The following PLCG1 variants were observed in gnomAD, a reference collection of about 807,000 sequenced individuals.
The protein encoded by PLCG1 is 1-phosphatidylinositol 4,5-bisphosphate phosphodiesterase gamma-1.
PLCG1 carries 71 observed loss-of-function variants against 177.8 expected under a neutral mutation model. The observed-to-expected ratio is 0.40, with a 90% CI of 0.33 to 0.49. PLCG1 has a LOEUF of 0.49. Ranked by LOEUF, PLCG1 falls within the 20% of genes least tolerant of loss-of-function variation. The probability of loss-of-function intolerance (pLI) is 0.72; values close to 1 mark genes in which losing one functional copy is unlikely to be tolerated. For missense variants in PLCG1, 1,281 were observed against 1,709.0 expected (o/e 0.75, Z 4.42); for synonymous variants, 658 against 647.9 (o/e 1.02, Z -0.24).
At chr20:41,145,190 A>G (rs548427807) in intron 1 of PLCG1, among the ~76,000 whole-genome samples, 2 of 152,254 alleles carry the variant, frequency 1.3e-5, no homozygotes, top group East Asian at 1.9e-4. Context: ...CCTGTTTGCT[A>G]TGTGTGCTAA....
intron 1 of PLCG1, among the ~76,000 whole-genome samples, chr20:41,145,190 A>C (rs548427807): frequency 1.3e-5 from 2 of 152,136 alleles, no homozygotes; most frequent in African/African-American, 2.4e-5. Context: ...CCTGTTTGCT[A>C]TGTGTGCTAA....
At position 41,159,760 on chromosome 20, in the gene PLCG1, T is replaced by TG. The variant is rs1317032542; in HGVS notation, c.370+5dup. On this transcript the variant is annotated splice_region_variant and intron_variant, in intron 2 of 31. Transcript: ENST00000685551. The surrounding 1 kb of genome is among the most constrained non-coding windows in gnomAD (Gnocchi z 6.0). ...GCCTGAAAACGCTGAGCCTGCAAGG[T>TG]GGGAGTTAAGGGGGTAGAGGAGGTA... 6.2e-7 allele frequency: 1 copy of TG among 1,613,956 alleles called. No homozygotes were observed. The highest frequency in any genetic ancestry group is 1.1e-5 in the South Asian group (1 of 91,062).
chr20:41,165,650 C>T lies in PLCG1; in HGVS notation c.1623C>T (p.Ser541=). 6.2e-7 allele frequency: 1 copy of T among 1,613,590 alleles called. No individual in the cohort carries two copies. The highest frequency in any genetic ancestry group is 8.5e-7 in the Non-Finnish European group (1 of 1,179,646). ...DEEEPKEVSS[S]TELHSNEKWF... The stretch of plus-strand genomic sequence containing the variant: ...CCTTCCCCTGACAGGTCAGCAGCAG[C>T]ACAGAGCTGCACTCCAATGAGAAGT... Residue 541 remains serine (S), a synonymous_variant, in exon 16 of 32, where the codon AGC becomes AGT. Transcript: ENST00000685551. This position sits in a 1 kb window ranked among gnomAD's most constrained non-coding sequence, Gnocchi z 6.6.
Position 41,163,689 on chromosome 20 carries a change from C to A in PLCG1, c.892-26C>A. ...TGGACAGGGCAGGGACTCACTGTCTCTTCCCTTCCACATGTTTCTGGACAG... is the reference window on the plus strand; with the variant it reads ...TGGACAGGGCAGGGACTCACTGTCTATTCCCTTCCACATGTTTCTGGACAG... On this transcript the variant is annotated intron_variant, in intron 9 of 31. Coordinates refer to ENST00000685551, the MANE Select transcript of PLCG1 (RefSeq NM_002660.3). The surrounding 1 kb of genome is among the most constrained non-coding windows in gnomAD (Gnocchi z 5.2). The A allele has an allele frequency of 6.8e-7, 1 of 1,477,884 alleles. No homozygotes were observed. Among genetic ancestry groups the A allele is most frequent in the South Asian group, 1.1e-5 (1 of 88,320 alleles). The allele number at this position is 1,477,884 out of a possible 1,614,324, so 91.5% of individuals were successfully genotyped here. A position where few individuals can be genotyped will look rare whatever the true frequency, so the allele number is the denominator to read the frequency against.
At chr20:41,158,920 C>G (rs2035405854) in intron 1 of PLCG1, among the ~76,000 whole-genome samples, 1 of 152,248 alleles carries the variant, frequency 6.6e-6, no homozygotes, top group South Asian at 2.1e-4. Context: ...ATCTGCTATT[C>G]AAGCCCGTGT....
chr20:41,149,316 G>A (rs1568730718), intron 1 of PLCG1, among the ~76,000 whole-genome samples: 1 of 152,124 alleles, frequency 6.6e-6, no homozygotes, highest in Admixed American at 6.5e-5. Flanking sequence ...TCTCATGTAG[G>A]TGCTCAGAAC....
chr20:41,138,954 C>T (rs1053641825), intron 1 of PLCG1, among the ~76,000 whole-genome samples: 4 of 152,134 alleles, frequency 2.6e-5, no homozygotes, highest in Non-Finnish European at 5.9e-5. Context: ...TGGGTTGCTT[C>T]TTGCAGGGAC....
rs1320453758 is a variant in PLCG1 at position 41,175,175 on chromosome 20, C to G, written c.*666C>G. 3 of 152,792 alleles carry G rather than the reference C, an allele frequency of 2.0e-5. No homozygotes were observed. Among genetic ancestry groups the G allele is most frequent in the African/African-American group, 7.2e-5 (3 of 41,554 alleles). 9.5% of individuals were successfully genotyped at this position (152,792 alleles called of 1,614,324 possible). On this transcript the variant is annotated 3_prime_UTR_variant, in exon 32 of 32. Transcript: ENST00000685551. ...ATTTTTCGTCTCAATGGTATTGTAA[C>G]TAAGTTATTTACTCCTCCTGCTCCT...
chr20:41,168,941 T>A lies in PLCG1; in HGVS notation c.2483+71T>A, dbSNP rs571462934. ...AGCTGGGGCCCCAAAGACATGCATTTGTGATGTGCTTGTCTCCTGTGTGCA... is the reference window on the plus strand; with the variant it reads ...AGCTGGGGCCCCAAAGACATGCATTAGTGATGTGCTTGTCTCCTGTGTGCA... On this transcript the variant is annotated intron_variant, in intron 21 of 31. Transcript: ENST00000685551. 2.5e-5 allele frequency: 30 copies of A among 1,176,546 alleles called. No individual in the cohort carries two copies. In the Admixed American group the frequency reaches 5.3e-4, roughly 21 times the overall value. The allele number at this position is 1,176,546 out of a possible 1,614,324, so 72.9% of individuals were successfully genotyped here.
intron 1 of PLCG1, among the ~76,000 whole-genome samples, chr20:41,143,988 A>G (rs762224893): frequency 3.3e-5 from 5 of 152,250 alleles, no homozygotes; most frequent in Middle Eastern, 3.4e-3. Flanking sequence ...TGCTCCAACA[A>G]CCTGGGCTAG....
Position 41,157,932 on chromosome 20 carries a change from G to A in PLCG1, c.218-1674G>A, listed in dbSNP as rs548111784. 4.4e-4 allele frequency among the ~76,000 whole-genome samples: 67 copies of A among 152,298 alleles called. No individual in the cohort carries two copies. Among genetic ancestry groups the A allele is most frequent in the African/African-American group, 1.5e-3 (61 of 41,556 alleles). On this transcript the variant is annotated intron_variant, in intron 1 of 31. Coordinates refer to ENST00000685551, the MANE Select transcript of PLCG1 (RefSeq NM_002660.3). This position sits in a 1 kb window ranked among gnomAD's most constrained non-coding sequence, Gnocchi z 5.4. The stretch of plus-strand genomic sequence containing the variant: ...CGGGAGGGGCTTGAATGAGGTCTAG[G>A]GGGGTCAGAATAATGTTTTATGAAG...
chr20:41,174,287 A>C lies in PLCG1; in HGVS notation c.3809A>C (p.Asp1270Ala). The C allele has an allele frequency of 6.2e-7, 1 of 1,614,078 alleles. No individual in the cohort carries two copies. The highest frequency in any genetic ancestry group is 8.5e-7 in the Non-Finnish European group (1 of 1,179,940). Residue 1270 changes from aspartate (D) to alanine (A), a missense_variant, in exon 31 of 32, where the codon GAC becomes GCC. By Grantham distance (126) the Asp-to-Ala change is moderately radical. Coordinates refer to ENST00000685551, the MANE Select transcript of PLCG1 (RefSeq NM_002660.3). The surrounding 1 kb of genome is among the most constrained non-coding windows in gnomAD (Gnocchi z 5.8). ...DFRISQEHLADHFDSRERRAP... is the reference protein window; with the variant it reads ...DFRISQEHLAAHFDSRERRAP... ...CGCATCTCCCAGGAGCATCTCGCAG[A>C]CCATTTTGACAGTCGAGAACGAAGG...
Position 41,153,667 on chromosome 20 carries a change from C to G in PLCG1, c.218-5939C>G, listed in dbSNP as rs1291243406. 6.6e-6 allele frequency among the ~76,000 whole-genome samples: 1 copy of G among 152,162 alleles called. No homozygotes were observed. Among genetic ancestry groups the G allele is most frequent in the Non-Finnish European group, 1.5e-5 (1 of 68,036 alleles). ...ATCCCAGCACTTTGGGAGGCCGAGG[C>G]AGGCGAATCACTGGAGGTCAGGAGT... On this transcript the variant is annotated intron_variant, in intron 1 of 31. Coordinates refer to ENST00000685551, the MANE Select transcript of PLCG1 (RefSeq NM_002660.3). The surrounding 1 kb of genome is among the most constrained non-coding windows in gnomAD (Gnocchi z 5.1).
In PLCG1 at chr20:41,174,188, C is replaced by T; in HGVS notation, c.3710C>T (p.Ser1237Leu). The T allele has an allele frequency of 6.2e-7, 1 of 1,614,172 alleles. No individual in the cohort carries two copies. Among genetic ancestry groups the T allele is most frequent in the Non-Finnish European group, 8.5e-7 (1 of 1,180,010 alleles). Residue 1237 changes from serine (S) to leucine (L), a missense_variant, in exon 31 of 32, where the codon TCA becomes TTA. Physicochemically the swap from Ser to Leu is moderately radical, Grantham distance 145 (BLOSUM62 -2). This residue lies in a region of PLCG1 where 153 missense variants were observed against 153.2 expected (regional missense o/e 1.00). Coordinates refer to ENST00000685551, the MANE Select transcript of PLCG1 (RefSeq NM_002660.3). The surrounding 1 kb of genome is among the most constrained non-coding windows in gnomAD (Gnocchi z 5.8). ...CTGCGGGAGCGGGGCTCAGATGCCT[C>T]AGGCCAGCTGTTTCATGGCCGAGCC... ...TSLRERGSDA[S>L]GQLFHGRARE... is the part of the protein sequence containing the mutation.
Position 41,174,608 on chromosome 20 carries a change from G to T in PLCG1, c.*99G>T. ...AGCAGCCCCCTGTGGCGGCCTTCCG[G>T]GTCTCGCAGCCTGAAGCCTGGATTC... On this transcript the variant is annotated 3_prime_UTR_variant, in exon 32 of 32. Coordinates refer to ENST00000685551, the MANE Select transcript of PLCG1 (RefSeq NM_002660.3). This position sits in a 1 kb window ranked among gnomAD's most constrained non-coding sequence, Gnocchi z 5.8. 5.8e-6 allele frequency: 6 copies of T among 1,028,714 alleles called. No individual in the cohort carries two copies. The East Asian group carries it at 7.8e-5, about 13-fold the overall frequency. The allele number at this position is 1,028,714 out of a possible 1,614,324, so 63.7% of individuals were successfully genotyped here.
intron 1 of PLCG1, among the ~76,000 whole-genome samples, chr20:41,149,062 A>G (rs1339619558): frequency 6.6e-6 from 1 of 152,350 alleles, no homozygotes; most frequent in East Asian, 1.9e-4. Flanking sequence ...CAAGAGCTTT[A>G]TGCAATGTCT....
In PLCG1 at chr20:41,165,182, C is replaced by A. The variant is rs1005571686; in HGVS notation, c.1387-63C>A. On this transcript the variant is annotated intron_variant, in intron 13 of 31. Transcript: ENST00000685551. This position sits in a 1 kb window ranked among gnomAD's most constrained non-coding sequence, Gnocchi z 6.6. The stretch of plus-strand genomic sequence containing the variant: ...CATGGCTTCAGCTGTTGGGCCTAAA[C>A]CTGGGTGAGGAGGTGGGGTGAGGAC... The A allele has an allele frequency of 9.3e-6, 15 of 1,606,274 alleles. No individual in the cohort carries two copies. Among genetic ancestry groups the A allele is most frequent in the African/African-American group, 1.3e-5 (1 of 74,842 alleles).
At chr20:41,142,444 T>C (rs1600630103) in intron 1 of PLCG1, among the ~76,000 whole-genome samples, 1 of 152,134 alleles carries the variant, frequency 6.6e-6, no homozygotes, top group Non-Finnish European at 1.5e-5. Context: ...ACAGTGGCAG[T>C]GGTTTGTCAG....
rs2035044276 is a variant in PLCG1, at chr20:41,147,892, G to A, written c.217+10034G>A. Among the ~76,000 whole-genome samples the A allele has an allele frequency of 6.6e-6, 1 of 152,026 alleles. No individual in the cohort carries two copies. Among genetic ancestry groups the A allele is most frequent in the African/African-American group, 2.4e-5 (1 of 41,384 alleles). On this transcript the variant is annotated intron_variant, in intron 1 of 31. Transcript: ENST00000685551. The surrounding 1 kb of genome is among the most constrained non-coding windows in gnomAD (Gnocchi z 4.0). ...TTAAGCTGGGCTTTCTGGGCAGGCA[G>A]TGAGTGAATGAGATCCCTGGCACCT...
Sources: gnomAD v4.1 joint callset for allele counts (sites outside exome capture counted in the v4.1 genomes callset) on GRCh38, gnomAD v4.1.1 for gene constraint, gnomAD v4.1.1 regional missense constraint, Gnocchi (gnomAD v3.1) non-coding constraint, MANE v1.5 for transcripts, NCBI Gene and HGNC (gene_info 2026-07-23, HGNC 2026-07-21) for gene names.